AASDHPPT: variants seen among roughly 807,000 people sequenced by gnomAD.
The protein encoded by AASDHPPT is aminoadipate-semialdehyde dehydrogenase-phosphopantetheinyl transferase, also known as L-aminoadipate-semialdehyde dehydrogenase-phosphopantetheinyl transferase.
Under a neutral mutation model 36.4 loss-of-function variants are expected in AASDHPPT, and 23 were observed. The observed-to-expected ratio is 0.63, with a 90% CI of 0.45 to 0.89. The LOEUF (loss-of-function observed/expected upper bound fraction) is 0.89, where lower values mean the gene tolerates loss of function less well. Ranked by LOEUF, AASDHPPT falls within the 40% of genes least tolerant of loss-of-function variation. The pLI, the probability that AASDHPPT is intolerant of heterozygous loss-of-function variation, is 0.00. For missense variants in AASDHPPT, 377 were observed against 378.2 expected (o/e 1.00, Z 0.03); for synonymous variants, 115 against 128.0 (o/e 0.90, Z 0.68).
intron 2 of AASDHPPT, among the ~76,000 whole-genome samples, chr11:106,088,863 G>T (rs1045974341): frequency 1.3e-5 from 2 of 152,020 alleles, no homozygotes; most frequent in Non-Finnish European, 2.9e-5. Flanking sequence ...TTGATCCATA[G>T]TACCACATAT....
chr11:106,081,908 A>C (rs1181339907), intron 2 of AASDHPPT, among the ~76,000 whole-genome samples: 1 of 151,976 alleles, frequency 6.6e-6, no homozygotes, highest in Non-Finnish European at 1.5e-5. Flanking sequence ...CCTAATGCTA[A>C]ATGATGAGTT....
intron 2 of AASDHPPT, among the ~76,000 whole-genome samples, chr11:106,083,689 G>T (rs1861167413): frequency 6.6e-6 from 1 of 152,096 alleles, no homozygotes; most frequent in South Asian, 2.1e-4. Flanking sequence ...GTGGATAAAA[G>T]ATTATTTATT....
chr11:106,095,631 A>G (rs1194259360), intron 5 of AASDHPPT, among the ~76,000 whole-genome samples: 1 of 152,218 alleles, frequency 6.6e-6, no homozygotes, highest in Non-Finnish European at 1.5e-5. Flanking sequence ...GTAAATCAAC[A>G]TGAAAGAATG....
chr11:106,077,853 T>A lies in AASDHPPT; in HGVS notation c.143T>A (p.Ile48Asn). The A allele has an allele frequency of 6.2e-7, 1 of 1,614,178 alleles. No individual in the cohort carries two copies. Among genetic ancestry groups the A allele is most frequent in the African/African-American group, 1.3e-5 (1 of 75,064 alleles). Reference sequence around the variant, plus strand: ...ATTCAGCCCGAGGAGAAGGAGCGCATTGGCCAGTTCGTCTTTGCCCGGGAC... The same window carrying A: ...ATTCAGCCCGAGGAGAAGGAGCGCAATGGCCAGTTCGTCTTTGCCCGGGAC... ...RSIQPEEKER[I>N]GQFVFARDAK... The change falls in exon 1 of 6, where the codon ATT becomes AAT. Residue 48 changes from isoleucine (I) to asparagine (N), a missense_variant. Ile to Asn is a moderately radical substitution (Grantham distance 149). Coordinates refer to ENST00000278618, the MANE Select transcript of AASDHPPT (RefSeq NM_015423.3).
At chr11:106,078,028 A>T (rs1250814955) in intron 1 of AASDHPPT, 135 bp downstream of exon 1, 2 of 1,183,166 alleles carry the variant, frequency 1.7e-6, no homozygotes, top group East Asian at 2.6e-5. Flanking sequence ...CCCGGGCGAC[A>T]GCAGCCGGCG....
At chr11:106,083,594 A>C (rs1311046235) in intron 2 of AASDHPPT, among the ~76,000 whole-genome samples, 1 of 152,188 alleles carries the variant, frequency 6.6e-6, no homozygotes, top group Non-Finnish European at 1.5e-5. Flanking sequence ...GTCATTGTAA[A>C]CTAAAAAGAG....
At chr11:106,088,786 T>G (rs952250798) in intron 2 of AASDHPPT, among the ~76,000 whole-genome samples, 7 of 152,110 alleles carry the variant, frequency 4.6e-5, no homozygotes, top group Admixed American at 1.3e-4. Context: ...TAAGAATTTC[T>G]TGCCATTGAA....
At chr11:106,083,014 A>G (rs1861159462) in intron 2 of AASDHPPT, among the ~76,000 whole-genome samples, 1 of 152,190 alleles carries the variant, frequency 6.6e-6, no homozygotes, top group South Asian at 2.1e-4. Flanking sequence ...GTTCGTCTTT[A>G]CATTTTTAAA....
chr11:106,084,332 A>G (rs1165331712), intron 2 of AASDHPPT, among the ~76,000 whole-genome samples: 8 of 152,238 alleles, frequency 5.3e-5, no homozygotes, highest in Admixed American at 5.2e-4. Flanking sequence ...TATGAATAAC[A>G]ACAAAACCTG....
chr11:106,079,524 CAT>C lies in AASDHPPT; in HGVS notation c.244_245del (p.Ile82SerfsTer26). On this transcript the variant is annotated frameshift_variant, in exon 2 of 6. Coordinates refer to ENST00000278618, the MANE Select transcript of AASDHPPT (RefSeq NM_015423.3). LOFTEE classifies it high-confidence loss of function. ...VAEKLNIPWN[H>X]IRLQRTAKGK... ...AGAGAAATTGAATATCCCTTGGAAT[CAT>C]ATTCGTTTGCAAAGAACTGCAAAAG... is the stretch of plus-strand genomic sequence containing the variant. 2.5e-6 allele frequency: 4 copies of C among 1,614,076 alleles called. No individual in the cohort carries two copies. Among genetic ancestry groups the C allele is most frequent in the Non-Finnish European group, 3.4e-6 (4 of 1,179,992 alleles).
intron 2 of AASDHPPT, among the ~76,000 whole-genome samples, chr11:106,086,599 G>A (rs1861200523): frequency 6.6e-6 from 1 of 152,026 alleles, no homozygotes; most frequent in East Asian, 1.9e-4. Context: ...CCCCATCCCA[G>A]CATTAGCAAT....
chr11:106,092,916 A>G (rs891150834), intron 4 of AASDHPPT: 4 of 152,180 alleles, frequency 2.6e-5, no homozygotes, highest in Non-Finnish European at 5.9e-5. Context: ...GATGTTTGGT[A>G]GGTTAGGTGT....
chr11:106,089,305 C>A (rs1458309091), intron 2 of AASDHPPT, among the ~76,000 whole-genome samples: 1 of 151,940 alleles, frequency 6.6e-6, no homozygotes, highest in African/African-American at 2.4e-5. Context: ...TTGTGTTAAT[C>A]ATTTGAGAAT....
intron 2 of AASDHPPT, among the ~76,000 whole-genome samples, chr11:106,081,982 A>G (rs1235125952): frequency 6.6e-6 from 1 of 152,002 alleles, no homozygotes. Context: ...CATTGTGCAC[A>G]TGTACCCTAG....
At chr11:106,079,284 G>A (rs985532705) in intron 1 of AASDHPPT, among the ~76,000 whole-genome samples, 183 bp from the exon 2 acceptor site, 1 of 152,102 alleles carries the variant, frequency 6.6e-6, no homozygotes. Flanking sequence ...GCTAAGGCGG[G>A]CTTTAACTTT....
chr11:106,085,082 T>C (rs764237091), intron 2 of AASDHPPT, among the ~76,000 whole-genome samples: 1 of 152,148 alleles, frequency 6.6e-6, no homozygotes, highest in Non-Finnish European at 1.5e-5. Flanking sequence ...ATAACAAAAT[T>C]AAAGTTTTAT....
At position 106,077,975 on chromosome 11, in the gene AASDHPPT, C is replaced by A. The variant is rs1484632176; in HGVS notation, c.183+82C>A. On this transcript the variant is annotated intron_variant, in intron 1 of 5. Transcript: ENST00000278618. ...GGCCGGGCTGTGGAGACCCGACACT[C>A]CCGCGCTGGCCGCGACCCTCTCGCT... 7 of 1,478,824 alleles carry A rather than the reference C, an allele frequency of 4.7e-6. No individual in the cohort carries two copies. In the Admixed American group the frequency reaches 1.0e-4, roughly 22 times the overall value. The allele number at this position is 1,478,824 out of a possible 1,614,324, so 91.6% of individuals were successfully genotyped here.
chr11:106,082,924 A>G (rs1436108328), intron 2 of AASDHPPT, among the ~76,000 whole-genome samples: 1 of 152,216 alleles, frequency 6.6e-6, no homozygotes, highest in East Asian at 1.9e-4. Context: ...AAAGTAAGGC[A>G]AAATAAAATA....
At chr11:106,081,134 A>C (rs1861134577) in intron 2 of AASDHPPT, among the ~76,000 whole-genome samples, 1 of 152,198 alleles carries the variant, frequency 6.6e-6, no homozygotes. Flanking sequence ...ATATTTGTCA[A>C]ATGAATGAAT....
Sources: gnomAD v4.1 joint callset for allele counts (sites outside exome capture counted in the v4.1 genomes callset) on GRCh38, gnomAD v4.1.1 for gene constraint, MANE v1.5 for transcripts, NCBI Gene and HGNC (gene_info 2026-07-23, HGNC 2026-07-21) for gene names.